ADAMTS2: variants seen among roughly 807,000 people sequenced by gnomAD.
ADAMTS2 encodes the protein ADAM metallopeptidase with thrombospondin type 1 motif 2.
ADAMTS2 carries 50 observed loss-of-function variants against 123.0 expected under a neutral mutation model. That is an observed-to-expected ratio of 0.41 (90% CI 0.32 to 0.51). The LOEUF (loss-of-function observed/expected upper bound fraction) is 0.51. Among genes scored for constraint, ADAMTS2 ranks in the 20% least tolerant of loss-of-function variants. ADAMTS2 has a pLI of 0.35. For synonymous variants in ADAMTS2, 678 were observed against 695.4 expected (o/e 0.98, Z 0.39); for missense variants, 1,494 against 1,705.2 (o/e 0.88, Z 2.18).
intron 11 of ADAMTS2, among the ~76,000 whole-genome samples, chr5:179,138,869 C>A (rs1763111819): frequency 1.3e-5 from 2 of 152,220 alleles, no homozygotes; most frequent in Admixed American, 6.5e-5. Flanking sequence ...CCAGGAGCGG[C>A]CGCAGAGGCC....
chr5:179,233,613 G>A (rs1035216830), intron 3 of ADAMTS2, among the ~76,000 whole-genome samples: 5 of 152,196 alleles, frequency 3.3e-5, no homozygotes, highest in Middle Eastern at 3.2e-3. Context: ...GCTTGAACCC[G>A]GAGGGAGAGG....
chr5:179,177,796 G>A (rs553748575), intron 5 of ADAMTS2, among the ~76,000 whole-genome samples: 8 of 152,254 alleles, frequency 5.3e-5, no homozygotes, highest in African/African-American at 1.9e-4. Flanking sequence ...GCTTAGGGTC[G>A]GGATAATTTA....
At chr5:179,275,430 G>A (rs1409237004) in intron 2 of ADAMTS2, among the ~76,000 whole-genome samples, 3 of 152,148 alleles carry the variant, frequency 2.0e-5, no homozygotes, top group Admixed American at 6.5e-5. Context: ...AGTTACCCAG[G>A]CCCCCATCCC....
intron 2 of ADAMTS2, among the ~76,000 whole-genome samples, chr5:179,339,238 A>G (rs1757701242): frequency 6.6e-6 from 1 of 152,180 alleles, no homozygotes; most frequent in Admixed American, 6.5e-5. Context: ...ATGGGCCTCC[A>G]ATCCCTCCCC....
At chr5:179,140,517 G>T (rs1161554195) in intron 10 of ADAMTS2, among the ~76,000 whole-genome samples, 5 of 152,212 alleles carry the variant, frequency 3.3e-5, no homozygotes, top group African/African-American at 1.2e-4. Context: ...AAAGTCCAAT[G>T]CTGGCATGTA....
Position 179,124,861 on chromosome 5 carries a change from C to T in ADAMTS2, c.2958+112G>A, listed in dbSNP as rs1043447391. 80 of 1,596,322 alleles carry T rather than the reference C, an allele frequency of 5.0e-5. 1 individual carries two copies. The Admixed American group carries it at 6.9e-4, about 14-fold the overall frequency. ...GCGTCATTGCAGTGCTTGGCATGCACGGAGCGGGTGGTGGTGTTGTGTAGC... is the reference window on the plus strand; with the variant it reads ...GCGTCATTGCAGTGCTTGGCATGCATGGAGCGGGTGGTGGTGTTGTGTAGC... On this transcript the variant is annotated intron_variant, in intron 19 of 21. Coordinates refer to ENST00000251582, the MANE Select transcript of ADAMTS2 (RefSeq NM_014244.5).
intron 5 of ADAMTS2, among the ~76,000 whole-genome samples, chr5:179,165,981 G>A (rs571083861): frequency 5.9e-5 from 9 of 152,284 alleles, no homozygotes; most frequent in Admixed American, 3.9e-4. Flanking sequence ...CAGGACAGTC[G>A]TCACCCCTCA....
chr5:179,152,001 AG>A (rs1763367819), intron 10 of ADAMTS2, 140 bp downstream of exon 10: 1 of 710,300 alleles, frequency 1.4e-6, no homozygotes, highest in African/African-American at 1.8e-5. Context: ...AGGGGTAATT[AG>A]AAGGGGGAAA....
chr5:179,154,816 G>T lies in ADAMTS2; in HGVS notation c.1236C>A (p.His412Gln). 6.2e-7 allele frequency: 1 copy of T among 1,609,476 alleles called. No homozygotes were observed. Among genetic ancestry groups the T allele is most frequent in the Non-Finnish European group, 8.5e-7 (1 of 1,178,192 alleles). ...CCACCCTTCCCCAGGCCACTTACAC[G>T]TGGCCAGTCTCATGGGCCACCACAA... ...SAFVVAHETG[H>Q]VLGMEHDGQG... is the part of the protein sequence containing the mutation. Residue 412 changes from histidine (H) to glutamine (Q), a missense_variant and splice_region_variant, in exon 7 of 22, where the codon CAC becomes CAA. Coordinates refer to ENST00000251582, the MANE Select transcript of ADAMTS2 (RefSeq NM_014244.5).
chr5:179,310,269 A>G (rs1453583795), intron 2 of ADAMTS2, among the ~76,000 whole-genome samples: 1 of 152,238 alleles, frequency 6.6e-6, no homozygotes, highest in Non-Finnish European at 1.5e-5. Flanking sequence ...GGATCTAGGC[A>G]TGCCTTGCTC....
At chr5:179,154,749 G>T in intron 7 of ADAMTS2, 65 bp downstream of exon 7, 1 of 1,339,360 alleles carries the variant, frequency 7.5e-7, no homozygotes, top group Non-Finnish European at 1.0e-6. Flanking sequence ...GAGGAGAAGT[G>T]GGCAGCCAGG....
intron 3 of ADAMTS2, among the ~76,000 whole-genome samples, chr5:179,271,688 A>G (rs1440365993): frequency 6.6e-6 from 1 of 152,216 alleles, no homozygotes; most frequent in African/African-American, 2.4e-5. Flanking sequence ...TCACCAAGGA[A>G]CAAGGGGCCA....
At position 179,345,199 on chromosome 5, in the gene ADAMTS2, C is replaced by CGGCGGCGGCGGCGAGCCTGGCGTTCGCG; in HGVS notation, c.102_129dup (p.Asp44ArgfsTer31). On this transcript the variant is annotated frameshift_variant, in exon 1 of 22. Transcript: ENST00000251582. LOFTEE classifies it high-confidence loss of function. This position sits in a 1 kb window ranked among gnomAD's most constrained non-coding sequence, Gnocchi z 7.5. ...GCCGGGCCGCACCTACCTGGGGGGT[C>CGGCGGCGGCGGCGAGCCTGGCGTTCGCG]GGCGGCGGCGGCGAGCCTGGCGTTC... The CGGCGGCGGCGGCGAGCCTGGCGTTCGCG allele has an allele frequency of 5.4e-6, 6 of 1,106,044 alleles. No individual in the cohort carries two copies. The highest frequency in any genetic ancestry group is 6.6e-6 in the Non-Finnish European group (6 of 913,444). The allele number at this position is 1,106,044 out of a possible 1,614,324, so 68.5% of individuals were successfully genotyped here.
At chr5:179,319,416 C>G (rs1177085312) in intron 2 of ADAMTS2, among the ~76,000 whole-genome samples, 1 of 152,144 alleles carries the variant, frequency 6.6e-6, no homozygotes, top group Non-Finnish European at 1.5e-5. Flanking sequence ...ATGCATGCAT[C>G]AAGCACATGC....
chr5:179,127,437 A>G (rs1394925561), intron 17 of ADAMTS2, among the ~76,000 whole-genome samples: 1 of 152,112 alleles, frequency 6.6e-6, no homozygotes, highest in African/African-American at 2.4e-5. Flanking sequence ...AGGAGCACGC[A>G]GAACAGATCA....
rs1373927249 is a variant in ADAMTS2, at chr5:179,332,679, T to C, written c.534+11088A>G. On this transcript the variant is annotated intron_variant, in intron 2 of 21. Coordinates refer to ENST00000251582, the MANE Select transcript of ADAMTS2 (RefSeq NM_014244.5). This position sits in a 1 kb window ranked among gnomAD's most constrained non-coding sequence, Gnocchi z 4.2. ...GGGATCAGTGGCCAGTGGCCAGCCATCGTGCAGAGAGGGGAGGGCAGAGGG... is the reference window on the plus strand; with the variant it reads ...GGGATCAGTGGCCAGTGGCCAGCCACCGTGCAGAGAGGGGAGGGCAGAGGG... 1.5e-5 allele frequency among the ~76,000 whole-genome samples: 2 copies of C among 129,680 alleles called. No individual in the cohort carries two copies. The highest frequency in any genetic ancestry group is 5.9e-5 in the African/African-American group (2 of 34,076). 85.1% of individuals were successfully genotyped at this position (129,680 alleles called of 152,430 possible).
At chr5:179,325,118 G>A (rs1174396218) in intron 2 of ADAMTS2, among the ~76,000 whole-genome samples, 2 of 152,200 alleles carry the variant, frequency 1.3e-5, no homozygotes, top group Non-Finnish European at 2.9e-5. Context: ...TGTTTCCAAC[G>A]TGGGCAGAGT....
rs1273109445 is a variant in ADAMTS2, at chr5:179,180,068, T to C, written c.975+1004A>G. On this transcript the variant is annotated intron_variant, in intron 5 of 21. Coordinates refer to ENST00000251582, the MANE Select transcript of ADAMTS2 (RefSeq NM_014244.5). The surrounding 1 kb of genome is among the most constrained non-coding windows in gnomAD (Gnocchi z 4.6). ...GTCACATTAAGCCTCGGTGTTCTTA[T>C]CTGTGAAATGGGCAGAGTCACAGTG... Among the ~76,000 whole-genome samples, 1 of 152,214 alleles carries C rather than the reference T, an allele frequency of 6.6e-6. No individual in the cohort carries two copies. Among genetic ancestry groups the C allele is most frequent in the Non-Finnish European group, 1.5e-5 (1 of 68,040 alleles).
In ADAMTS2 at chr5:179,262,262, C is replaced by G. The variant is rs371701398; in HGVS notation, c.688+10649G>C. ...CCAGCCTCAGGCCACCAGCCAGCCT[C>G]CCAGCCACGTGACCTCTCAGGGGCA... On this transcript the variant is annotated intron_variant, in intron 3 of 21. Transcript: ENST00000251582. The surrounding 1 kb of genome is among the most constrained non-coding windows in gnomAD (Gnocchi z 5.9). 3.9e-5 allele frequency among the ~76,000 whole-genome samples: 6 copies of G among 152,218 alleles called. No homozygotes were observed. Among genetic ancestry groups the G allele is most frequent in the African/African-American group, 1.4e-4 (6 of 41,532 alleles).
Sources: gnomAD v4.1 joint callset for allele counts (sites outside exome capture counted in the v4.1 genomes callset) on GRCh38, gnomAD v4.1.1 for gene constraint, Gnocchi (gnomAD v3.1) non-coding constraint, MANE v1.5 for transcripts, NCBI Gene and HGNC (gene_info 2026-07-23, HGNC 2026-07-21) for gene names.